The following PCNX1 variants were observed in gnomAD, a reference collection of about 807,000 sequenced individuals.
PCNX1 encodes pecanex-like protein 1.
A neutral mutation model predicts 242.2 loss-of-function variants in PCNX1; 78 were observed. The observed-to-expected ratio is 0.32, with a 90% CI of 0.27 to 0.39. The LOEUF is 0.39. PCNX1 is among the 10% of genes least tolerant of loss of function. The pLI is 1.00. For synonymous variants in PCNX1, 1,024 were observed against 1,032.9 expected, an observed-to-expected ratio of 0.99 and a Z score of 0.17; for missense variants, 2,581 against 2,856.5, an observed-to-expected ratio of 0.90 and a Z score of 2.20.
At chr14:70,969,400 GT>G (rs1172335073) in intron 5 of PCNX1, 1 of 283,362 alleles carries the variant, frequency 3.5e-6, no homozygotes, top group East Asian at 8.5e-5. Flanking sequence ...TATTCTTTTA[GT>G]TGGTCAGACC....
At chr14:70,987,104 T>G (rs571389269) in intron 6 of PCNX1, among the ~76,000 whole-genome samples, 1 of 152,234 alleles carries the variant, frequency 6.6e-6, no homozygotes, top group South Asian at 2.1e-4. Flanking sequence ...ACATGTTTTC[T>G]CCTTTGTGGC....
At chr14:70,942,541 A>T (rs1322231715) in intron 1 of PCNX1, among the ~76,000 whole-genome samples, 1 of 152,194 alleles carries the variant, frequency 6.6e-6, no homozygotes, top group African/African-American at 2.4e-5. Flanking sequence ...GCTTCAGCAG[A>T]TACCAGCTGG....
intron 8 of PCNX1, among the ~76,000 whole-genome samples, chr14:71,006,807 A>G (rs772707462): frequency 1.3e-5 from 2 of 152,144 alleles, no homozygotes; most frequent in Non-Finnish European, 2.9e-5. Flanking sequence ...ACATTTAGTA[A>G]TTTCTTTTTC....
chr14:71,105,163 T>TGGAAAAAGAATAAAATACCC (rs1239003234), intron 32 of PCNX1, 72 bp from the exon 33 acceptor site: 1 of 1,161,190 alleles, frequency 8.6e-7, no homozygotes, highest in African/African-American at 1.5e-5. Context: ...TCAGAATAGC[T>TGGAAAAAGAATAAAATACCC]GGAAAAAGAA....
chr14:71,109,587 G>A lies in PCNX1; in HGVS notation c.6880G>A (p.Gly2294Ser). The A allele has an allele frequency of 6.2e-7, 1 of 1,614,146 alleles. No homozygotes were observed. The change falls in exon 35 of 36, where the codon GGC (glycine) becomes AGC (serine). Residue 2294 changes from glycine to serine, a missense_variant. Physicochemically the swap from Gly to Ser is moderately conservative, Grantham distance 56. This residue lies in a region of PCNX1 where 432 missense variants were observed against 433.6 expected (regional missense o/e 1.00). Coordinates refer to ENST00000304743, the MANE Select transcript of PCNX1 (RefSeq NM_014982.3). ...CTGGAGTCCGCAGGAGGGCATGGAA[G>A]GCCATGTAAGTTCTTTTACAAGCTG... ...KDWSPQEGME[G>S]HVIHRWVPCS...
In PCNX1 at chr14:71,044,492, G is replaced by A. The variant is rs147416937; in HGVS notation, c.3868-641G>A. The stretch of plus-strand genomic sequence containing the variant: ...GTCTCTGTCCTGTGCACTTGGACAA[G>A]TATGCATCAAGCTTTTAGGCCTTGT... On this transcript the variant is annotated intron_variant, in intron 19 of 35. Transcript: ENST00000304743. 1,200 of 152,450 alleles carry A rather than the reference G, an allele frequency of 7.9e-3. 8 individuals are homozygous for A. Among genetic ancestry groups the A allele is most frequent in the South Asian group, 0.017 (82 of 4,826 alleles). The allele number at this position is 152,450 out of a possible 1,614,324, so 9.4% of individuals were successfully genotyped here.
In PCNX1 at chr14:71,072,613, G is replaced by T. The variant is rs190335069; in HGVS notation, c.4853-932G>T. Among the ~76,000 whole-genome samples, 120 of 152,234 alleles carry T rather than the reference G, an allele frequency of 7.9e-4. 1 individual carries two copies. The highest frequency in any genetic ancestry group is 7.8e-3 in the Admixed American group (120 of 15,288). On this transcript the variant is annotated intron_variant, in intron 26 of 35. Transcript: ENST00000304743. ...AAGCAGTGGTTTTCAGACATGGATG[G>T]TGTATGTATTAATATTACTTTTAAA...
chr14:71,039,066 C>G (rs1193031000), intron 19 of PCNX1, among the ~76,000 whole-genome samples: 1 of 151,014 alleles, frequency 6.6e-6, no homozygotes, highest in Non-Finnish European at 1.5e-5. Flanking sequence ...ACTCTGGGGA[C>G]TGTTGTGGGA....
intron 3 of PCNX1, among the ~76,000 whole-genome samples, chr14:70,966,263 G>A (rs1470069782): frequency 6.6e-6 from 1 of 152,110 alleles, no homozygotes; most frequent in African/African-American, 2.4e-5. Flanking sequence ...ACAAGTAATA[G>A]AATACTCAAC....
chr14:71,034,418 A>T (rs1405181048), intron 18 of PCNX1, among the ~76,000 whole-genome samples: 1 of 152,106 alleles, frequency 6.6e-6, no homozygotes, highest in Non-Finnish European at 1.5e-5. Flanking sequence ...ATGTCTCTGT[A>T]AGTCATTTAT....
chr14:71,024,476 T>A (rs1444672296), intron 13 of PCNX1, among the ~76,000 whole-genome samples: 2 of 152,186 alleles, frequency 1.3e-5, no homozygotes, highest in Admixed American at 1.3e-4. Context: ...ATCCCTCAAT[T>A]TGAGTTTGTC....
intron 7 of PCNX1, among the ~76,000 whole-genome samples, chr14:70,990,867 C>A (rs2059143662): frequency 6.6e-6 from 1 of 152,068 alleles, no homozygotes; most frequent in Admixed American, 6.5e-5. Flanking sequence ...TTTTATTTTA[C>A]TTTTTCTATT....
chr14:70,957,343 G>A (rs1049744033), intron 2 of PCNX1, among the ~76,000 whole-genome samples: 4 of 152,106 alleles, frequency 2.6e-5, no homozygotes, highest in African/African-American at 9.7e-5. Context: ...ATTTGGACTT[G>A]CTATCAAAAG....
intron 15 of PCNX1, among the ~76,000 whole-genome samples, chr14:71,028,278 A>G (rs1479318880): frequency 6.6e-6 from 1 of 152,004 alleles, no homozygotes; most frequent in East Asian, 1.9e-4. Flanking sequence ...ATGGGCATAC[A>G]GATTTACTTC....
At chr14:71,004,642 C>T (rs889692143) in intron 8 of PCNX1, among the ~76,000 whole-genome samples, 8 of 151,926 alleles carry the variant, frequency 5.3e-5, no homozygotes, top group African/African-American at 1.5e-4. Flanking sequence ...GGTTGGGGAC[C>T]GTTGCATTAA....
chr14:71,005,554 GAGTACTGTTCTT>G (rs1199312614), intron 8 of PCNX1, among the ~76,000 whole-genome samples: 1 of 151,986 alleles, frequency 6.6e-6, no homozygotes, highest in Non-Finnish European at 1.5e-5. Context: ...TTTCTTAGGT[GAGTACTGTTCTT>G]AAAATTCTTG....
At chr14:71,078,736 A>C (rs1320100396) in intron 28 of PCNX1, 1 of 152,214 alleles carries the variant, frequency 6.6e-6, no homozygotes, top group Non-Finnish European at 1.5e-5. Flanking sequence ...CTCTGAAAAA[A>C]ATGGTAGGTA....
chr14:70,976,921 C>T lies in PCNX1; in HGVS notation c.605-21C>T, dbSNP rs377015807. The T allele has an allele frequency of 3.1e-6, 5 of 1,593,716 alleles. No individual in the cohort carries two copies. In the African/African-American group the frequency reaches 6.7e-5, roughly 21 times the overall value. ...AGATCATACATTTATTTTAACATTTCAAAATATGTGTTTGAAACAGATTTG... is the reference window on the plus strand; with the variant it reads ...AGATCATACATTTATTTTAACATTTTAAAATATGTGTTTGAAACAGATTTG... On this transcript the variant is annotated intron_variant, in intron 5 of 35. Coordinates refer to ENST00000304743, the MANE Select transcript of PCNX1 (RefSeq NM_014982.3).
intron 28 of PCNX1, among the ~76,000 whole-genome samples, chr14:71,077,233 G>T (rs1303667689): frequency 6.6e-6 from 1 of 152,132 alleles, no homozygotes; most frequent in Non-Finnish European, 1.5e-5. Flanking sequence ...TTTTGTGGTA[G>T]TATCACACCC....
Sources: gnomAD v4.1 joint callset for allele counts (sites outside exome capture counted in the v4.1 genomes callset) on GRCh38, gnomAD v4.1.1 for gene constraint, gnomAD v4.1.1 regional missense constraint, MANE v1.5 for transcripts, NCBI Gene and HGNC (gene_info 2026-07-23, HGNC 2026-07-21) for gene names.